The following SPATA17 variants were observed in gnomAD, a reference collection of about 807,000 sequenced individuals.
SPATA17 encodes the protein spermatogenesis associated 17, also known as spermatogenesis-associated protein 17.
Under a neutral mutation model 62.2 loss-of-function variants are expected in SPATA17, and 53 were observed. The ratio of observed to expected loss-of-function variants is 0.85; its 90% CI spans 0.68 to 1.07. The LOEUF is 1.07. SPATA17 is among the 50% of genes least tolerant of loss of function. The pLI, the probability that SPATA17 is intolerant of heterozygous loss-of-function variation, is 0.00. For synonymous variants in SPATA17, 146 were observed against 146.8 expected, an observed-to-expected ratio of 0.99 and a Z score of 0.04; for missense variants, 466 against 425.5, an observed-to-expected ratio of 1.10 and a Z score of -0.84.
intron 8 of SPATA17, among the ~76,000 whole-genome samples, chr1:217,783,076 A>G (rs1297223215): frequency 6.6e-6 from 1 of 150,948 alleles, no homozygotes; most frequent in African/African-American, 2.4e-5. Flanking sequence ...ATAATACTAA[A>G]TATTAATGAT....
At position 217,636,704 on chromosome 1, in the gene SPATA17, G is replaced by A. The variant is rs573139074; in HGVS notation, c.68+5258G>A. On this transcript the variant is annotated intron_variant, in intron 1 of 10. Transcript: ENST00000366933. ...CTCCCAAAGTGCTGGGATTACAGGC[G>A]TGAGCCACTGGGCCCAGCCCCTTTG... is the stretch of plus-strand genomic sequence containing the variant. 5.9e-5 allele frequency among the ~76,000 whole-genome samples: 9 copies of A among 152,260 alleles called. No homozygotes were observed. The South Asian group carries it at 6.2e-4, about 11-fold the overall frequency.
intron 9 of SPATA17, among the ~76,000 whole-genome samples, chr1:217,820,090 A>G (rs558994574): frequency 1.3e-5 from 2 of 152,080 alleles, no homozygotes; most frequent in Non-Finnish European, 2.9e-5. Context: ...CTCAAGGAAC[A>G]TGAGCTTTCC....
At chr1:217,733,339 G>A (rs1672439679) in intron 5 of SPATA17, among the ~76,000 whole-genome samples, 1 of 152,162 alleles carries the variant, frequency 6.6e-6, no homozygotes, top group Non-Finnish European at 1.5e-5. Flanking sequence ...GAGAGCAAGA[G>A]TTTCTAGTGA....
At chr1:217,786,342 T>C (rs1384865477) in intron 8 of SPATA17, among the ~76,000 whole-genome samples, 1 of 152,138 alleles carries the variant, frequency 6.6e-6, no homozygotes, top group African/African-American at 2.4e-5. Context: ...TCTTGACAGA[T>C]AAGGAACTGA....
At chr1:217,718,225 G>A (rs900766786) in intron 5 of SPATA17, among the ~76,000 whole-genome samples, 4 of 152,136 alleles carry the variant, frequency 2.6e-5, no homozygotes, top group Non-Finnish European at 5.9e-5. Context: ...AACTGCTTTT[G>A]CCCTGAGGTC....
At chr1:217,861,404 T>TA (rs61340989) in intron 9 of SPATA17, among the ~76,000 whole-genome samples, 19 of 148,054 alleles carry the variant, frequency 1.3e-4, no homozygotes, top group African/African-American at 4.4e-4. Context: ...TATATATATA[T>TA]TTATAAAAAT....
At chr1:217,752,055 T>C (rs1321975983) in intron 6 of SPATA17, among the ~76,000 whole-genome samples, 1 of 152,228 alleles carries the variant, frequency 6.6e-6, no homozygotes, top group Non-Finnish European at 1.5e-5. Flanking sequence ...CTGTTTTCTT[T>C]AGATACAGAG....
intron 5 of SPATA17, among the ~76,000 whole-genome samples, chr1:217,733,612 A>G (rs1390791590): frequency 1.3e-5 from 2 of 152,122 alleles, no homozygotes; most frequent in Non-Finnish European, 2.9e-5. Flanking sequence ...AAACGTCTTT[A>G]TTTCTCTAAA....
chr1:217,701,339 G>A (rs543787618), intron 5 of SPATA17, among the ~76,000 whole-genome samples: 9 of 151,530 alleles, frequency 5.9e-5, no homozygotes, highest in African/African-American at 1.9e-4. Flanking sequence ...GTGTATATAT[G>A]TGTGTGTGTA....
At chr1:217,845,018 T>G (rs887220962) in intron 9 of SPATA17, among the ~76,000 whole-genome samples, 5 of 152,084 alleles carry the variant, frequency 3.3e-5, no homozygotes, top group Non-Finnish European at 2.9e-5. Flanking sequence ...AATCTTAGCT[T>G]TTTTTCTCTT....
intron 9 of SPATA17, among the ~76,000 whole-genome samples, chr1:217,802,355 C>T (rs953103209): frequency 2.0e-5 from 3 of 152,140 alleles, no homozygotes; most frequent in Non-Finnish European, 4.4e-5. Flanking sequence ...ATAACAGGTA[C>T]AGCACGTATA....
At chr1:217,851,787 T>A (rs1388112235) in intron 9 of SPATA17, among the ~76,000 whole-genome samples, 2 of 152,198 alleles carry the variant, frequency 1.3e-5, no homozygotes, top group South Asian at 4.1e-4. Flanking sequence ...CTGCCTTTTA[T>A]GAAGACAAGG....
intron 5 of SPATA17, among the ~76,000 whole-genome samples, chr1:217,739,843 T>C (rs763125220): frequency 2.6e-5 from 4 of 152,158 alleles, no homozygotes; most frequent in Non-Finnish European, 5.9e-5. Flanking sequence ...GAAATCAATT[T>C]GGAACCTAAG....
chr1:217,635,949 A>G (rs1669927125), intron 1 of SPATA17, among the ~76,000 whole-genome samples: 1 of 151,928 alleles, frequency 6.6e-6, no homozygotes, highest in South Asian at 2.1e-4. Context: ...CCTGGCCAAC[A>G]TGGAGAAACC....
At chr1:217,726,723 T>G (rs1025918332) in intron 5 of SPATA17, among the ~76,000 whole-genome samples, 4 of 151,860 alleles carry the variant, frequency 2.6e-5, no homozygotes, top group East Asian at 1.9e-4. Context: ...GTGTGTTTTT[T>G]TTTTCATTTT....
At chr1:217,722,668 C>G (rs1483206243) in intron 5 of SPATA17, among the ~76,000 whole-genome samples, 1 of 152,096 alleles carries the variant, frequency 6.6e-6, no homozygotes, top group Non-Finnish European at 1.5e-5. Flanking sequence ...TTTTTCTTCT[C>G]TTAAATTGTC....
At chr1:217,662,902 T>C (rs1319143446) in intron 3 of SPATA17, among the ~76,000 whole-genome samples, 1 of 152,206 alleles carries the variant, frequency 6.6e-6, no homozygotes, top group African/African-American at 2.4e-5. Context: ...TTCTTCACCT[T>C]TTAGTGTAAT....
At chr1:217,714,115 C>A (rs538105421) in intron 5 of SPATA17, among the ~76,000 whole-genome samples, 1 of 152,172 alleles carries the variant, frequency 6.6e-6, no homozygotes, top group African/African-American at 2.4e-5. Flanking sequence ...CGGCTGGGCA[C>A]GGTGGCTCAC....
At chr1:217,664,483 C>T (rs771253116) in intron 3 of SPATA17, among the ~76,000 whole-genome samples, 6 of 151,702 alleles carry the variant, frequency 4.0e-5, no homozygotes, top group Admixed American at 1.3e-4. Flanking sequence ...TTAGTAGAGA[C>T]GGGGTTTCAC....
Sources: allele counts gnomAD v4.1 joint callset (sites outside exome capture counted in the v4.1 genomes callset), GRCh38; gene constraint gnomAD v4.1.1; transcripts MANE v1.5; gene names NCBI Gene and HGNC (gene_info 2026-07-23, HGNC 2026-07-21).